Variants in RIT2 observed in about 807,000 individuals in gnomAD.
The protein encoded by RIT2 is Ras like without CAAX 2.
RIT2 carries 24 observed loss-of-function variants against 23.7 expected under a neutral mutation model. The ratio of observed to expected loss-of-function variants is 1.01; its 90% CI spans 0.73 to 1.43. RIT2 has a LOEUF of 1.43. RIT2 is among the 40% of genes most tolerant of loss of function. The pLI, the probability that RIT2 is intolerant of heterozygous loss-of-function variation, is 0.00. For synonymous variants in RIT2, 107 were observed against 91.1 expected (o/e 1.17, Z -0.99); for missense variants, 236 against 266.9 (o/e 0.88, Z 0.81).
chr18:43,080,706 A>G (rs748045049), intron 1 of RIT2, among the ~76,000 whole-genome samples: 2 of 152,236 alleles, frequency 1.3e-5, no homozygotes, highest in African/African-American at 2.4e-5. Flanking sequence ...CAAGGTAAGA[A>G]GGGAAATTCT....
At chr18:42,838,890 T>G (rs1206868155) in intron 4 of RIT2, among the ~76,000 whole-genome samples, 1 of 152,192 alleles carries the variant, frequency 6.6e-6, no homozygotes, top group Admixed American at 6.5e-5. Flanking sequence ...GAAACTGGCA[T>G]GCACAATTTT....
At chr18:42,888,989 CA>C (rs1908101390) in intron 4 of RIT2, among the ~76,000 whole-genome samples, 1 of 151,998 alleles carries the variant, frequency 6.6e-6, no homozygotes, top group Non-Finnish European at 1.5e-5. Flanking sequence ...GTCAACACTC[CA>C]AACCCCACCA....
chr18:42,775,698 A>AAAATAAAT (rs35398594), intron 4 of RIT2, among the ~76,000 whole-genome samples: 73 of 148,128 alleles, frequency 4.9e-4, no homozygotes, highest in African/African-American at 1.8e-3. Flanking sequence ...CTCCATCTCA[A>AAAATAAAT]AAATAAATAA....
rs189116251 is a variant in RIT2 at position 43,082,079 on chromosome 18, A to G, written c.103+33338T>C. On this transcript the variant is annotated intron_variant, in intron 1 of 4. Transcript: ENST00000326695. ...TACTGCCTCAATTTCAAAATTTGTT[A>G]TTGGTCTATTCAGGGATTTGACTTC... Among the ~76,000 whole-genome samples the G allele has an allele frequency of 4.6e-5, 7 of 152,230 alleles. No individual in the cohort carries two copies. In the South Asian group the frequency reaches 6.2e-4, roughly 14 times the overall value.
intron 1 of RIT2, among the ~76,000 whole-genome samples, chr18:43,042,289 C>A (rs1429857846): frequency 2.0e-5 from 3 of 152,180 alleles, no homozygotes; most frequent in African/African-American, 7.2e-5. Context: ...ATTAAGCATT[C>A]TGCAATACCT....
intron 3 of RIT2, among the ~76,000 whole-genome samples, chr18:42,924,903 G>T (rs907180502): frequency 6.6e-6 from 1 of 152,078 alleles, no homozygotes; most frequent in African/African-American, 2.4e-5. Context: ...CAAGTCCAGA[G>T]AGTGATAAAG....
chr18:42,764,021 G>A (rs1913365024), intron 4 of RIT2, among the ~76,000 whole-genome samples: 1 of 152,132 alleles, frequency 6.6e-6, no homozygotes, highest in African/African-American at 2.4e-5. Context: ...TGCAGCACAT[G>A]ACTGTATATC....
chr18:43,040,622 C>T (rs1366405074), intron 1 of RIT2, among the ~76,000 whole-genome samples: 1 of 152,120 alleles, frequency 6.6e-6, no homozygotes, highest in East Asian at 1.9e-4. Context: ...AAATATTGTA[C>T]ATTACTGTAT....
chr18:43,071,802 G>A (rs1019997297), intron 1 of RIT2, among the ~76,000 whole-genome samples: 12 of 152,100 alleles, frequency 7.9e-5, no homozygotes, highest in Non-Finnish European at 1.5e-4. Flanking sequence ...ATTAAGAGGA[G>A]AGGGTCTATA....
chr18:43,098,363 A>G (rs534629480), intron 1 of RIT2, among the ~76,000 whole-genome samples: 1 of 152,032 alleles, frequency 6.6e-6, no homozygotes, highest in South Asian at 2.1e-4. Context: ...TTCCCAGAAA[A>G]TCATTAGCAA....
At chr18:42,746,710 G>A (rs1251274840) in intron 4 of RIT2, among the ~76,000 whole-genome samples, 1 of 151,890 alleles carries the variant, frequency 6.6e-6, no homozygotes, top group African/African-American at 2.4e-5. Flanking sequence ...ACAGAAAGAG[G>A]AAATCCTGTC....
intron 2 of RIT2, among the ~76,000 whole-genome samples, chr18:43,023,331 A>G (rs886462093): frequency 2.0e-5 from 3 of 152,082 alleles, no homozygotes; most frequent in Non-Finnish European, 2.9e-5. Flanking sequence ...TTGTAAGTTA[A>G]TAAATTGACA....
intron 2 of RIT2, among the ~76,000 whole-genome samples, chr18:43,033,110 C>T (rs1423469255): frequency 2.6e-5 from 4 of 152,118 alleles, no homozygotes; most frequent in East Asian, 1.9e-4. Context: ...AAGAGTACTA[C>T]GGTGGACTCT....
intron 4 of RIT2, among the ~76,000 whole-genome samples, chr18:42,818,402 T>C (rs1176909296): frequency 5.3e-5 from 8 of 152,066 alleles, no homozygotes; most frequent in African/African-American, 1.7e-4. Flanking sequence ...AATTGAAAGA[T>C]AGGATTCACA....
chr18:43,005,663 T>G (rs938991024), intron 2 of RIT2, among the ~76,000 whole-genome samples: 66 of 151,822 alleles, frequency 4.3e-4, no homozygotes, highest in African/African-American at 1.5e-3. Flanking sequence ...AATTTCCTCA[T>G]TTTTTAAAAA....
intron 3 of RIT2, among the ~76,000 whole-genome samples, chr18:42,955,628 C>T (rs564034257): frequency 6.6e-6 from 1 of 152,266 alleles, no homozygotes; most frequent in African/African-American, 2.4e-5. Context: ...GAGTCTCTAC[C>T]CCAAATATTC....
At chr18:43,033,888 T>A in intron 1 of RIT2, 21 bp from the exon 2 acceptor site, 1 of 1,547,808 alleles carries the variant, frequency 6.5e-7, no homozygotes, top group Non-Finnish European at 8.9e-7. Flanking sequence ...AAAAACACAT[T>A]TTGTTTAATA....
intron 1 of RIT2, among the ~76,000 whole-genome samples, chr18:43,071,960 C>T (rs764541653): frequency 5.3e-5 from 8 of 150,172 alleles, no homozygotes; most frequent in Non-Finnish European, 7.4e-5. Context: ...TCATTTATGC[C>T]TCTAGTGTTT....
At chr18:42,986,852 A>G (rs1568047591) in intron 2 of RIT2, among the ~76,000 whole-genome samples, 1 of 152,162 alleles carries the variant, frequency 6.6e-6, no homozygotes, top group Non-Finnish European at 1.5e-5. Flanking sequence ...ATTTTAGTAA[A>G]TAAACTTAAA....
Sources: gnomAD v4.1 joint callset for allele counts (sites outside exome capture counted in the v4.1 genomes callset) on GRCh38, gnomAD v4.1.1 for gene constraint, MANE v1.5 for transcripts, NCBI Gene and HGNC (gene_info 2026-07-23, HGNC 2026-07-21) for gene names.